DENND4B: variants seen among roughly 807,000 people sequenced by gnomAD.
DENND4B encodes DENN domain containing 4B.
In DENND4B, 67 loss-of-function variants were observed where a neutral mutation model predicts 161.0. The ratio of observed to expected loss-of-function variants is 0.42; its 90% CI spans 0.34 to 0.51. DENND4B has a LOEUF of 0.51. Among genes scored for constraint, DENND4B ranks in the 20% least tolerant of loss-of-function variants. The probability of loss-of-function intolerance (pLI) is 0.08; values close to 1 mark genes in which losing one functional copy is unlikely to be tolerated. For synonymous variants in DENND4B, 753 were observed against 813.8 expected, an observed-to-expected ratio of 0.93 and a Z score of 1.27; for missense variants, 1,481 against 1,968.0, an observed-to-expected ratio of 0.75 and a Z score of 4.68.
rs902642413 is a variant in DENND4B, at chr1:153,937,878, T to G, written c.1966-15A>C. 32 of 1,613,840 alleles carry G rather than the reference T, an allele frequency of 2.0e-5. No individual in the cohort carries two copies. The highest frequency in any genetic ancestry group is 2.5e-5 in the Non-Finnish European group (30 of 1,179,892). ...TCTGGGTGGACCTGGAGAAGGATTT[T>G]AAGAGAGCAAGTGTTGAGATGGTGG... On this transcript the variant is annotated splice_polypyrimidine_tract_variant and intron_variant, in intron 13 of 27. Transcript: ENST00000361217. The surrounding 1 kb of genome is among the most constrained non-coding windows in gnomAD (Gnocchi z 4.7).
Position 153,933,557 on chromosome 1 carries a change from G to A in DENND4B, c.3256C>T (p.Pro1086Ser). ...IPPPELPPDLPPPARRSPMDS... is the reference protein window; with the variant it reads ...IPPPELPPDLSPPARRSPMDS... ...ATGGGGCTGCGGCGGGCTGGGGGTG[G>A]CAGGTCAGGAGGCAGCTCAGGTGGG... Residue 1086 changes from proline (P) to serine (S), a missense_variant, in exon 20 of 28, where the codon CCA (proline) becomes TCA (serine). Coordinates refer to ENST00000361217, the MANE Select transcript of DENND4B (RefSeq NM_014856.3). The surrounding 1 kb of genome is among the most constrained non-coding windows in gnomAD (Gnocchi z 5.7). 1 of 1,550,594 alleles carries A rather than the reference G, an allele frequency of 6.4e-7. No individual in the cohort carries two copies. The highest frequency in any genetic ancestry group is 1.2e-5 in the South Asian group (1 of 80,796).
Position 153,934,162 on chromosome 1 carries a change from G to T in DENND4B, c.2914C>A (p.Pro972Thr). ...GSLGSARGAQ[P>T]TVEAGVAHMI... ...TGGGCCACACCGGCCTCCACAGTGG[G>T]CTGTGCCCCTCGGGCACTGCCCAGG... is the stretch of plus-strand genomic sequence containing the variant. The change falls in exon 19 of 28, where the codon CCC (proline) becomes ACC (threonine). Residue 972 changes from proline (P) to threonine (T), a missense_variant. Transcript: ENST00000361217. The surrounding 1 kb of genome is among the most constrained non-coding windows in gnomAD (Gnocchi z 5.3). 6.3e-7 allele frequency: 1 copy of T among 1,585,646 alleles called. No individual in the cohort carries two copies.
In DENND4B at chr1:153,944,510, T is replaced by C; in HGVS notation, c.-23-113A>G. On this transcript the variant is annotated intron_variant, in intron 1 of 27. Transcript: ENST00000361217. The surrounding 1 kb of genome is among the most constrained non-coding windows in gnomAD (Gnocchi z 4.8). ...CTAGTCCTTCCAAAGAAAGGCAGGA[T>C]AAGGGGTCGGCCAATCCTGAACTCT... The C allele has an allele frequency of 8.6e-7, 1 of 1,167,330 alleles. No individual in the cohort carries two copies. The highest frequency in any genetic ancestry group is 1.2e-6 in the Non-Finnish European group (1 of 858,250). The allele number at this position is 1,167,330 out of a possible 1,614,324, so 72.3% of individuals were successfully genotyped here.
Position 153,940,039 on chromosome 1 carries a change from G to C in DENND4B, c.1603+117C>G, listed in dbSNP as rs201745348. ...GGAATCTCCCTCAGTTCCACCAAATGCAATCCTAACTTCACTCACCTCCTT... is the reference window on the plus strand; with the variant it reads ...GGAATCTCCCTCAGTTCCACCAAATCCAATCCTAACTTCACTCACCTCCTT... On this transcript the variant is annotated intron_variant, in intron 11 of 27. Coordinates refer to ENST00000361217, the MANE Select transcript of DENND4B (RefSeq NM_014856.3). The surrounding 1 kb of genome is among the most constrained non-coding windows in gnomAD (Gnocchi z 5.6). 17 of 964,376 alleles carry C rather than the reference G, an allele frequency of 1.8e-5. No individual in the cohort carries two copies. The East Asian group carries it at 4.2e-4, about 24-fold the overall frequency. 59.7% of individuals were successfully genotyped at this position (964,376 alleles called of 1,614,324 possible). A position where few individuals can be genotyped will look rare whatever the true frequency, so the allele number is the denominator to read the frequency against.
In DENND4B at chr1:153,933,792, C is replaced by G. The variant is rs1395334700; in HGVS notation, c.3021G>C (p.Leu1007=). 2 of 1,612,118 alleles carry G rather than the reference C, an allele frequency of 1.2e-6. No individual in the cohort carries two copies. Among genetic ancestry groups the G allele is most frequent in the East Asian group, 2.2e-5 (1 of 44,848 alleles). Reference sequence around the variant, plus strand: ...CTCCAGGGAGCGGCTCCTCCCCTGTCAGGCTCAGGTCTGAGAGACTTCCAT... The same window carrying G: ...CTCCAGGGAGCGGCTCCTCCCCTGTGAGGCTCAGGTCTGAGAGACTTCCAT... ...WHDGSLSDLS[L]TGEEPLPGGS... The change falls in exon 20 of 28, where the codon CTG becomes CTC. Residue 1007 remains leucine, a synonymous_variant. Transcript: ENST00000361217. The surrounding 1 kb of genome is among the most constrained non-coding windows in gnomAD (Gnocchi z 5.7).
intron 2 of DENND4B, among the ~76,000 whole-genome samples, chr1:153,943,703 AGTTATACAAGCTACCACTGACTGACTCT>A (rs1679804812): frequency 1.4e-5 from 2 of 142,190 alleles, no homozygotes; most frequent in African/African-American, 5.5e-5. Flanking sequence ...AAAAAAAAAT[AGTTATACAAGCTACCACTGACTGACTCT>A]GTTAAGTCTG....
At position 153,944,378 on chromosome 1, in the gene DENND4B, C is replaced by A. The variant is rs560393086; in HGVS notation, c.-4G>T. ...GGGGGGGCCGCTCCTCCGCCATGGC[C>A]CCCCCCTCACTCACTGCATCTGGAA... On this transcript the variant is annotated 5_prime_UTR_variant, in exon 2 of 28. Transcript: ENST00000361217. The surrounding 1 kb of genome is among the most constrained non-coding windows in gnomAD (Gnocchi z 4.8). 6.2e-7 allele frequency: 1 copy of A among 1,601,216 alleles called. No homozygotes were observed. Among genetic ancestry groups the A allele is most frequent in the South Asian group, 1.1e-5 (1 of 89,370 alleles).
At chr1:153,943,192 T>C (rs1679775139) in intron 2 of DENND4B, 62 bp from the exon 3 acceptor site, 3 of 1,549,468 alleles carry the variant, frequency 1.9e-6, no homozygotes, top group Non-Finnish European at 2.6e-6. Flanking sequence ...GACCCAATCC[T>C]GCCAGATCTG....
In DENND4B at chr1:153,933,923, T is replaced by G; in HGVS notation, c.2942-52A>C. 1 of 1,580,250 alleles carries G rather than the reference T, an allele frequency of 6.3e-7. No homozygotes were observed. The highest frequency in any genetic ancestry group is 8.5e-7 in the Non-Finnish European group (1 of 1,170,744). On this transcript the variant is annotated intron_variant, in intron 19 of 27. Coordinates refer to ENST00000361217, the MANE Select transcript of DENND4B (RefSeq NM_014856.3). This position sits in a 1 kb window ranked among gnomAD's most constrained non-coding sequence, Gnocchi z 5.7. ...GATGGACCCCAGCCTCTGCACCAAC[T>G]TCCCCTTTCCTGAATAAACACAATT...
chr1:153,944,166 G>A lies in DENND4B; in HGVS notation c.209C>T (p.Ala70Val), dbSNP rs1679834532. 4 of 1,613,104 alleles carry A rather than the reference G, an allele frequency of 2.5e-6. No individual in the cohort carries two copies. The South Asian group carries it at 3.3e-5, about 13-fold the overall frequency. The change falls in exon 2 of 28, where the codon GCT becomes GTT. Residue 70 changes from alanine (A) to valine (V), a missense_variant. Ala to Val is a moderately conservative substitution (Grantham distance 64, BLOSUM62 0). Transcript: ENST00000361217. The surrounding 1 kb of genome is among the most constrained non-coding windows in gnomAD (Gnocchi z 4.8). Reference protein sequence around the residue: ...EVPQGYTCIQASAGGHPLELS... With the variant: ...EVPQGYTCIQVSAGGHPLELS... Reference sequence around the variant, plus strand: ...TTCCAAGGGGTGGCCCCCAGCAGAAGCCTGGATGCATGTGTAGCCCTGGGG... The same window carrying A: ...TTCCAAGGGGTGGCCCCCAGCAGAAACCTGGATGCATGTGTAGCCCTGGGG...
chr1:153,931,316 GA>G (rs1678912148), intron 24 of DENND4B, among the ~76,000 whole-genome samples: 2 of 152,178 alleles, frequency 1.3e-5, no homozygotes, highest in Non-Finnish European at 2.9e-5. Flanking sequence ...GGAACGAATA[GA>G]CAAATATGAA....
intron 24 of DENND4B, among the ~76,000 whole-genome samples, chr1:153,931,678 T>C (rs901991588): frequency 8.6e-5 from 13 of 151,706 alleles, no homozygotes; most frequent in Admixed American, 2.0e-4. Context: ...TTTGTATTTT[T>C]AGTAACACGG....
Position 153,937,591 on chromosome 1 carries a change from C to A in DENND4B, c.2129G>T (p.Arg710Leu). 1 of 1,613,044 alleles carries A rather than the reference C, an allele frequency of 6.2e-7. No homozygotes were observed. Among genetic ancestry groups the A allele is most frequent in the Non-Finnish European group, 8.5e-7 (1 of 1,179,384 alleles). The stretch of plus-strand genomic sequence containing the variant: ...TTGAAGAGACTCAAACAACTCAGCC[C>A]GTAGCTCTGGGAATCCATCATAGCT... Reference protein sequence around the residue: ...QYCYDGFPELRAELFESLQEQ... With the variant: ...QYCYDGFPELLAELFESLQEQ... Residue 710 changes from arginine (R) to leucine (L), a missense_variant, in exon 15 of 28, where the codon CGG becomes CTG. Transcript: ENST00000361217. This position sits in a 1 kb window ranked among gnomAD's most constrained non-coding sequence, Gnocchi z 4.7.
Position 153,946,228 on chromosome 1 carries a change from C to A in DENND4B, c.-24+73G>T. On this transcript the variant is annotated intron_variant, in intron 1 of 27. Coordinates refer to ENST00000361217, the MANE Select transcript of DENND4B (RefSeq NM_014856.3). The surrounding 1 kb of genome is among the most constrained non-coding windows in gnomAD (Gnocchi z 6.3). ...GGGACAGCAGCTGGGGGCCATCCCC[C>A]ACCCCGCCTGCCGCCCGCGCTCCCT... 3.1e-6 allele frequency: 1 copy of A among 327,028 alleles called. No individual in the cohort carries two copies. The highest frequency in any genetic ancestry group is 5.5e-6 in the Non-Finnish European group (1 of 180,414). The allele number at this position is 327,028 out of a possible 1,614,324, so 20.3% of individuals were successfully genotyped here.
At chr1:153,938,023 C>T (rs762776995) in intron 13 of DENND4B, among the ~76,000 whole-genome samples, 160 bp from the exon 14 acceptor site, 14 of 152,174 alleles carry the variant, frequency 9.2e-5, no homozygotes, top group African/African-American at 1.7e-4. Flanking sequence ...ATTACATGTA[C>T]GGGGCCAGCT....
In DENND4B at chr1:153,940,132, T is replaced by TCCC. The variant is rs775033941; in HGVS notation, c.1603+21_1603+23dup. ...TTGAGGGCAATGACAGTTCCCAGCC[T>TCCC]CCCTCCCCACCCAGGCTTCTCACTC... On this transcript the variant is annotated intron_variant, in intron 11 of 27. Transcript: ENST00000361217. This position sits in a 1 kb window ranked among gnomAD's most constrained non-coding sequence, Gnocchi z 5.6. 8.0e-5 allele frequency: 122 copies of TCCC among 1,533,942 alleles called. No homozygotes were observed. Among genetic ancestry groups the TCCC allele is most frequent in the Non-Finnish European group, 1.1e-4 (121 of 1,141,672 alleles).
chr1:153,930,897 C>A lies in DENND4B; in HGVS notation c.4115-40G>T. 1.3e-6 allele frequency: 2 copies of A among 1,596,408 alleles called. No individual in the cohort carries two copies. The highest frequency in any genetic ancestry group is 2.3e-5 in the East Asian group (1 of 44,126). On this transcript the variant is annotated intron_variant, in intron 25 of 27. Transcript: ENST00000361217. This position sits in a 1 kb window ranked among gnomAD's most constrained non-coding sequence, Gnocchi z 4.7. Reference sequence around the variant, plus strand: ...AGAAGGCCACCAGAATCACTGAGCCCTCTGGGTATGGGACCCACCCTCCCC... The same window carrying A: ...AGAAGGCCACCAGAATCACTGAGCCATCTGGGTATGGGACCCACCCTCCCC...
Position 153,930,976 on chromosome 1 carries a change from G to A in DENND4B, c.4085C>T (p.Pro1362Leu). 1 of 1,612,882 alleles carries A rather than the reference G, an allele frequency of 6.2e-7. No individual in the cohort carries two copies. The highest frequency in any genetic ancestry group is 8.5e-7 in the Non-Finnish European group (1 of 1,179,514). ...GACCCTCCAGAGCACATAGAGAGGT[G>A]GGCAGCTATTGGGGTCAGGGGTCAG... ...DVLTPDPNSC[P>L]PLYVLWRVHS... is the part of the protein sequence containing the mutation. Residue 1362 changes from proline (P) to leucine (L), a missense_variant, in exon 25 of 28, where the codon CCA becomes CTA. By Grantham distance (98) the Pro-to-Leu change is moderately conservative (BLOSUM62 -3). Around this residue, in one of 3 missense-constraint regions of DENND4B, gnomAD observed 336 missense variants for 503.3 expected, o/e 0.67. Coordinates refer to ENST00000361217, the MANE Select transcript of DENND4B (RefSeq NM_014856.3). The surrounding 1 kb of genome is among the most constrained non-coding windows in gnomAD (Gnocchi z 4.7).
In DENND4B at chr1:153,934,336, A is replaced by G. The variant is rs2102021233; in HGVS notation, c.2774-34T>C. 6.5e-7 allele frequency: 1 copy of G among 1,543,308 alleles called. No homozygotes were observed. Among genetic ancestry groups the G allele is most frequent in the Non-Finnish European group, 8.7e-7 (1 of 1,150,296 alleles). On this transcript the variant is annotated intron_variant, in intron 18 of 27. Transcript: ENST00000361217. This position sits in a 1 kb window ranked among gnomAD's most constrained non-coding sequence, Gnocchi z 5.3. ...GACGAGAAGGGGTTTAGAGGCGGCC[A>G]GCTAGGAACCCAGTCCCCTGTTCCA...
Sources: gnomAD v4.1 joint callset for allele counts (sites outside exome capture counted in the v4.1 genomes callset) on GRCh38, gnomAD v4.1.1 for gene constraint, gnomAD v4.1.1 regional missense constraint, Gnocchi (gnomAD v3.1) non-coding constraint, MANE v1.5 for transcripts, NCBI Gene and HGNC (gene_info 2026-07-23, HGNC 2026-07-21) for gene names.